The following BRIP1 variants were observed in gnomAD, a reference collection of about 807,000 sequenced individuals.
The protein encoded by BRIP1 is BRCA1 interacting DNA helicase 1, also known as Fanconi anemia group J protein.
A neutral mutation model predicts 119.7 loss-of-function variants in BRIP1; 88 were observed. The observed-to-expected ratio is 0.74, with a 90% CI of 0.62 to 0.88. The LOEUF (loss-of-function observed/expected upper bound fraction) is 0.88. BRIP1 is among the 40% of genes least tolerant of loss of function. The probability of loss-of-function intolerance (pLI) is 0.00; values close to 1 mark genes in which losing one functional copy is unlikely to be tolerated. For synonymous variants in BRIP1, 443 were observed against 496.5 expected (o/e 0.89, Z 1.43); for missense variants, 1,259 against 1,455.4 (o/e 0.87, Z 2.20).
Position 61,846,008 on chromosome 17 carries a change from C to T in BRIP1, c.627+1093G>A, listed in dbSNP as rs2078722686. On this transcript the variant is annotated intron_variant, in intron 6 of 19. Transcript: ENST00000259008. The surrounding 1 kb of genome is among the most constrained non-coding windows in gnomAD (Gnocchi z 4.3). The stretch of plus-strand genomic sequence containing the variant: ...CCATCCTGGCTAACGTGGTGAAACC[C>T]CGTCTCTACTAAAAATACAAAAAAT... Among the ~76,000 whole-genome samples, 2 of 151,766 alleles carry T rather than the reference C, an allele frequency of 1.3e-5. No homozygotes were observed. The highest frequency in any genetic ancestry group is 1.3e-4 in the Admixed American group (2 of 15,236).
chr17:61,839,397 G>C (rs1213059300), intron 6 of BRIP1, among the ~76,000 whole-genome samples: 1 of 151,548 alleles, frequency 6.6e-6, no homozygotes, highest in Non-Finnish European at 1.5e-5. Flanking sequence ...TGTATTTTTG[G>C]GTTTTTTTTT....
chr17:61,763,126 C>G (rs961251693), intron 14 of BRIP1, among the ~76,000 whole-genome samples: 2 of 152,134 alleles, frequency 1.3e-5, no homozygotes, highest in East Asian at 1.9e-4. Flanking sequence ...CTGAATTTGA[C>G]TACTCTAAGT....
At chr17:61,688,513 A>G (rs2061394175) in intron 18 of BRIP1, among the ~76,000 whole-genome samples, 1 of 152,148 alleles carries the variant, frequency 6.6e-6, no homozygotes, top group African/African-American at 2.4e-5. Context: ...TATTTCTAAT[A>G]AGGAATTTAC....
rs1045439770 is a variant in BRIP1 at position 61,693,820 on chromosome 17, C to T, written c.2493-308G>A. On this transcript the variant is annotated intron_variant, in intron 17 of 19. Transcript: ENST00000259008. The surrounding 1 kb of genome is among the most constrained non-coding windows in gnomAD (Gnocchi z 4.2). ...CACATAGACTGTTTTCTTTTTTTTA[C>T]CTTAAGTATTATAAATAATTGTAAA... Among the ~76,000 whole-genome samples the T allele has an allele frequency of 1.3e-5, 2 of 151,622 alleles. No homozygotes were observed. The highest frequency in any genetic ancestry group is 4.8e-5 in the African/African-American group (2 of 41,338).
At position 61,768,223 on chromosome 17, in the gene BRIP1, T is replaced by C. The variant is rs925439219; in HGVS notation, c.2097+8178A>G. 2.0e-5 allele frequency among the ~76,000 whole-genome samples: 3 copies of C among 152,194 alleles called. No individual in the cohort carries two copies. The highest frequency in any genetic ancestry group is 7.2e-5 in the African/African-American group (3 of 41,464). The stretch of plus-strand genomic sequence containing the variant: ...TAAGTAAATAAAAATAAATGTGAAG[T>C]AAAGTTATGAGATTTCTCAGGAAGA... On this transcript the variant is annotated intron_variant, in intron 14 of 19. Coordinates refer to ENST00000259008, the MANE Select transcript of BRIP1 (RefSeq NM_032043.3). The surrounding 1 kb of genome is among the most constrained non-coding windows in gnomAD (Gnocchi z 5.0).
Position 61,683,130 on chromosome 17 carries a change from C to CAAAAAAAAAAA in BRIP1, c.*155_*165dup. ...TGGGCAACAGACCAAGACTCTGTCT[C>CAAAAAAAAAAA]AAAAAAAAAAACCCAAAAACTCAAG... On this transcript the variant is annotated 3_prime_UTR_variant, in exon 20 of 20. Coordinates refer to ENST00000259008, the MANE Select transcript of BRIP1 (RefSeq NM_032043.3). This position sits in a 1 kb window ranked among gnomAD's most constrained non-coding sequence, Gnocchi z 4.7. 3 of 754,510 alleles carry CAAAAAAAAAAA rather than the reference C, an allele frequency of 4.0e-6. No individual in the cohort carries two copies. The African/African-American group carries it at 5.4e-5, about 14-fold the overall frequency. 46.7% of individuals were successfully genotyped at this position (754,510 alleles called of 1,614,324 possible). A position where few individuals can be genotyped will look rare whatever the true frequency, so the allele number is the denominator to read the frequency against.
In BRIP1 at chr17:61,757,696, C is replaced by T. The variant is rs1302048249; in HGVS notation, c.2098-13105G>A. On this transcript the variant is annotated intron_variant, in intron 14 of 19. Transcript: ENST00000259008. The surrounding 1 kb of genome is among the most constrained non-coding windows in gnomAD (Gnocchi z 4.3). ...ACATGAAATTCTACTTTCCTGAAATCATGTGAAAAGAAAACAATAAAAGCC... is the reference window on the plus strand; with the variant it reads ...ACATGAAATTCTACTTTCCTGAAATTATGTGAAAAGAAAACAATAAAAGCC... Among the ~76,000 whole-genome samples, 1 of 152,052 alleles carries T rather than the reference C, an allele frequency of 6.6e-6. No homozygotes were observed. Among genetic ancestry groups the T allele is most frequent in the Non-Finnish European group, 1.5e-5 (1 of 67,996 alleles).
chr17:61,791,283 G>A (rs1205804412), intron 10 of BRIP1, among the ~76,000 whole-genome samples: 1 of 151,844 alleles, frequency 6.6e-6, no homozygotes, highest in Non-Finnish European at 1.5e-5. Flanking sequence ...GAGGTCAGGA[G>A]TTTGACACCA....
At position 61,799,527 on chromosome 17, in the gene BRIP1, A is replaced by C. The variant is rs1787626264; in HGVS notation, c.1141-228T>G. On this transcript the variant is annotated intron_variant, in intron 8 of 19. Transcript: ENST00000259008. The surrounding 1 kb of genome is among the most constrained non-coding windows in gnomAD (Gnocchi z 5.1). ...TTTTTTTACTCTTAAAATACTTTGCAAACCTATCGACAGCAACAAAAATAT... is the reference window on the plus strand; with the variant it reads ...TTTTTTTACTCTTAAAATACTTTGCCAACCTATCGACAGCAACAAAAATAT... Among the ~76,000 whole-genome samples, 1 of 152,152 alleles carries C rather than the reference A, an allele frequency of 6.6e-6. No homozygotes were observed. Among genetic ancestry groups the C allele is most frequent in the South Asian group, 2.1e-4 (1 of 4,826 alleles).
Position 61,717,675 on chromosome 17 carries a change from G to A in BRIP1, c.2380-1612C>T, listed in dbSNP as rs969501573. On this transcript the variant is annotated intron_variant, in intron 16 of 19. Coordinates refer to ENST00000259008, the MANE Select transcript of BRIP1 (RefSeq NM_032043.3). The surrounding 1 kb of genome is among the most constrained non-coding windows in gnomAD (Gnocchi z 4.1). ...GTGCTGTTGTGTGTATTTTGCTTGCGTTTTTATTAAGCTTCTTGGACCTGT... is the reference window on the plus strand; with the variant it reads ...GTGCTGTTGTGTGTATTTTGCTTGCATTTTTATTAAGCTTCTTGGACCTGT... Among the ~76,000 whole-genome samples the A allele has an allele frequency of 5.9e-5, 9 of 151,872 alleles. No individual in the cohort carries two copies. The South Asian group carries it at 6.2e-4, about 10-fold the overall frequency.
chr17:61,718,639 C>A (rs942970925), intron 16 of BRIP1, among the ~76,000 whole-genome samples: 3 of 152,306 alleles, frequency 2.0e-5, no homozygotes, highest in African/African-American at 7.2e-5. Flanking sequence ...TAAACTTTAT[C>A]TCTTTAACTC....
rs2144284659 is a variant in BRIP1 at position 61,704,248 on chromosome 17, GT to G, written c.2493-10737del. 6.6e-6 allele frequency among the ~76,000 whole-genome samples: 1 copy of G among 151,876 alleles called. No individual in the cohort carries two copies. Among genetic ancestry groups the G allele is most frequent in the East Asian group, 1.9e-4 (1 of 5,162 alleles). Reference sequence around the variant, plus strand: ...TTTCTTTTTTCCCCCTTTTCCTTTTGTTTTTGTAGTCTTCATCTGGTTTGGT... The same window carrying G: ...TTTCTTTTTTCCCCCTTTTCCTTTTGTTTTGTAGTCTTCATCTGGTTTGGT... On this transcript the variant is annotated intron_variant, in intron 17 of 19. Coordinates refer to ENST00000259008, the MANE Select transcript of BRIP1 (RefSeq NM_032043.3). This position sits in a 1 kb window ranked among gnomAD's most constrained non-coding sequence, Gnocchi z 5.7.
In BRIP1 at chr17:61,806,516, A is replaced by T. The variant is rs2078075347; in HGVS notation, c.918+1951T>A. On this transcript the variant is annotated intron_variant, in intron 7 of 19. Coordinates refer to ENST00000259008, the MANE Select transcript of BRIP1 (RefSeq NM_032043.3). This position sits in a 1 kb window ranked among gnomAD's most constrained non-coding sequence, Gnocchi z 4.9. ...TAAAGGCCAATGAAAAATTCGGAACATTGAAGTCTACTGAATTCCTTTTTA... is the reference window on the plus strand; with the variant it reads ...TAAAGGCCAATGAAAAATTCGGAACTTTGAAGTCTACTGAATTCCTTTTTA... 5.3e-5 allele frequency among the ~76,000 whole-genome samples: 8 copies of T among 152,350 alleles called. No individual in the cohort carries two copies. In the South Asian group the frequency reaches 1.7e-3, roughly 32 times the overall value.
At position 61,857,379 on chromosome 17, in the gene BRIP1, C is replaced by A; in HGVS notation, c.206-148G>T. 1 of 667,088 alleles carries A rather than the reference C, an allele frequency of 1.5e-6. No homozygotes were observed. The allele number at this position is 667,088 out of a possible 1,614,324, so 41.3% of individuals were successfully genotyped here. ...CAGGAAGGTACCTGGCAAACCTGGA[C>A]AAGCTGGTCACTTTATCTGCAGCAT... On this transcript the variant is annotated intron_variant, in intron 3 of 19. Coordinates refer to ENST00000259008, the MANE Select transcript of BRIP1 (RefSeq NM_032043.3). This position sits in a 1 kb window ranked among gnomAD's most constrained non-coding sequence, Gnocchi z 5.1.
In BRIP1 at chr17:61,808,522, A is replaced by G. The variant is rs1375475281; in HGVS notation, c.863T>C (p.Val288Ala). The G allele has an allele frequency of 6.2e-7, 1 of 1,613,792 alleles. No individual in the cohort carries two copies. Reference protein sequence around the residue: ...SRDHTCVHPEVVGNFNRNEKC... With the variant: ...SRDHTCVHPEAVGNFNRNEKC... Reference sequence around the variant, plus strand: ...CTCATTTCTGTTGAAGTTACCGACTACCTCAGGATGGACACAAGTATGATC... The same window carrying G: ...CTCATTTCTGTTGAAGTTACCGACTGCCTCAGGATGGACACAAGTATGATC... Residue 288 changes from valine (V) to alanine (A), a missense_variant, in exon 7 of 20, where the codon GTA (valine) becomes GCA (alanine). Physicochemically the swap from Val to Ala is moderately conservative, Grantham distance 64 (BLOSUM62 0). This residue lies in a region of BRIP1 where 501 missense variants were observed against 544.0 expected (regional missense o/e 0.92). Coordinates refer to ENST00000259008, the MANE Select transcript of BRIP1 (RefSeq NM_032043.3). This position sits in a 1 kb window ranked among gnomAD's most constrained non-coding sequence, Gnocchi z 4.1.
chr17:61,859,523 G>A (rs191898605), intron 3 of BRIP1, among the ~76,000 whole-genome samples: 139 of 152,120 alleles, frequency 9.1e-4, no homozygotes, highest in Non-Finnish European at 1.6e-3. Flanking sequence ...TTGTAGAGAT[G>A]GGGTATCACC....
chr17:61,743,898 G>C lies in BRIP1; in HGVS notation c.2257+534C>G, dbSNP rs1414787584. Among the ~76,000 whole-genome samples, 1 of 152,008 alleles carries C rather than the reference G, an allele frequency of 6.6e-6. No homozygotes were observed. The highest frequency in any genetic ancestry group is 1.5e-5 in the Non-Finnish European group (1 of 68,002). On this transcript the variant is annotated intron_variant, in intron 15 of 19. Coordinates refer to ENST00000259008, the MANE Select transcript of BRIP1 (RefSeq NM_032043.3). The surrounding 1 kb of genome is among the most constrained non-coding windows in gnomAD (Gnocchi z 4.3). ...GACAGGATTTCACCATGTTGCCCAG[G>C]CTGGTCTCGAACTCCTGGGCTCAAG... is the stretch of plus-strand genomic sequence containing the variant.
chr17:61,749,304 A>AG, intron 14 of BRIP1, among the ~76,000 whole-genome samples: 1 of 152,258 alleles, frequency 6.6e-6, no homozygotes, highest in South Asian at 2.1e-4. Flanking sequence ...TGCAAAGTAA[A>AG]GGGAAAAAAA....
chr17:61,802,452 C>A lies in BRIP1; in HGVS notation c.919-978G>T, dbSNP rs1384863449. ...TCCGGCCTGGATGACAAAACAAAGC[C>A]CTATCTCTAAATAGTAATAAAAACA... On this transcript the variant is annotated intron_variant, in intron 7 of 19. Coordinates refer to ENST00000259008, the MANE Select transcript of BRIP1 (RefSeq NM_032043.3). The surrounding 1 kb of genome is among the most constrained non-coding windows in gnomAD (Gnocchi z 6.0). Among the ~76,000 whole-genome samples, 1 of 152,092 alleles carries A rather than the reference C, an allele frequency of 6.6e-6. No homozygotes were observed. The highest frequency in any genetic ancestry group is 1.9e-4 in the East Asian group (1 of 5,196).
Sources: allele counts gnomAD v4.1 joint callset (sites outside exome capture counted in the v4.1 genomes callset), GRCh38; gene constraint gnomAD v4.1.1; regional missense constraint gnomAD v4.1.1; non-coding constraint Gnocchi (gnomAD v3.1); transcripts MANE v1.5; gene names NCBI Gene and HGNC (gene_info 2026-07-23, HGNC 2026-07-21).